The following LOC400499 variants were observed in gnomAD, a reference collection of about 807,000 sequenced individuals.
chr16:11,515,914 T>C, the LOC400499 span: 2 of 207,480 alleles, frequency 9.6e-6, no homozygotes, highest in East Asian at 9.1e-5. Flanking sequence ...CAGCCCAGCC[T>C]AGCCCAGCAC....
chr16:11,386,610 G>A, the LOC400499 span, among the ~76,000 whole-genome samples: 1 of 152,194 alleles, frequency 6.6e-6, no homozygotes, highest in South Asian at 2.1e-4. Flanking sequence ...ACCCATATGA[G>A]CGAGCCACGT....
chr16:11,405,404 A>G, the LOC400499 span, among the ~76,000 whole-genome samples: 1 of 152,344 alleles, frequency 6.6e-6, no homozygotes, highest in East Asian at 1.9e-4. Context: ...GATAGTCGAG[A>G]TAGTCACAGG....
At chr16:11,378,314 A>C in the LOC400499 span, among the ~76,000 whole-genome samples, 1 of 138,866 alleles carries the variant, frequency 7.2e-6, no homozygotes, top group Non-Finnish European at 1.5e-5. Flanking sequence ...CCCAGGCTGG[A>C]GTGCAGTGGC....
chr16:11,415,960 G>GTTTT, the LOC400499 span, among the ~76,000 whole-genome samples: 2 of 146,286 alleles, frequency 1.4e-5, no homozygotes, highest in Non-Finnish European at 3.0e-5. Context: ...TTGTTGTTTT[G>GTTTT]TTTTTTTTTT....
At chr16:11,439,019 T>A in the LOC400499 span, among the ~76,000 whole-genome samples, 1 of 152,068 alleles carries the variant, frequency 6.6e-6, no homozygotes, top group African/African-American at 2.4e-5. Flanking sequence ...CACCTCCACA[T>A]CCTTGAATTA....
At chr16:11,423,041 G>A in the LOC400499 span, 6 of 397,426 alleles carry the variant, frequency 1.5e-5, no homozygotes, top group South Asian at 1.4e-4. Flanking sequence ...GAAGGAGGGG[G>A]ACCATGTGAG....
the LOC400499 span, chr16:11,462,358 C>T: frequency 7.1e-7 from 1 of 1,413,494 alleles, no homozygotes; most frequent in Non-Finnish European, 9.2e-7. Flanking sequence ...AGGCCCAGCC[C>T]TTACCACACG....
chr16:11,418,620 A>T, the LOC400499 span, among the ~76,000 whole-genome samples: 2 of 152,194 alleles, frequency 1.3e-5, no homozygotes, highest in Non-Finnish European at 2.9e-5. Context: ...GCAGCCCTGA[A>T]TTCTTTCTTG....
the LOC400499 span, among the ~76,000 whole-genome samples, chr16:11,432,901 G>A: frequency 6.6e-6 from 1 of 152,214 alleles, no homozygotes; most frequent in Admixed American, 6.5e-5. Flanking sequence ...AGGAACTCAT[G>A]GCATGAATTT....
the LOC400499 span, among the ~76,000 whole-genome samples, chr16:11,452,415 C>A: frequency 1.3e-5 from 2 of 152,226 alleles, no homozygotes; most frequent in Admixed American, 6.5e-5. Flanking sequence ...CTAGGGGCTG[C>A]TGGAGGAAAG....
the LOC400499 span, among the ~76,000 whole-genome samples, chr16:11,476,345 A>G: frequency 6.6e-6 from 1 of 151,964 alleles, no homozygotes; most frequent in African/African-American, 2.4e-5. Context: ...CATGCCCCAG[A>G]GGGACTCCAG....
At chr16:11,515,905 AGC>A in the LOC400499 span, 1 of 141,358 alleles carries the variant, frequency 7.1e-6, no homozygotes, top group Non-Finnish European at 1.2e-5. Context: ...AGCCCAGCCC[AGC>A]CCAGCCTAGC....
chr16:11,396,755 C>A, the LOC400499 span: 21 of 1,150,122 alleles, frequency 1.8e-5, no homozygotes, highest in Non-Finnish European at 2.3e-5. Context: ...ACCGAGAATG[C>A]AGCAGCAGCT....
chr16:11,462,030 G>A, the LOC400499 span: 2 of 1,182,232 alleles, frequency 1.7e-6, no homozygotes, highest in South Asian at 3.8e-5. Flanking sequence ...AGAAGCTGCA[G>A]TGATGAGGAC....
chr16:11,391,595 C>A, the LOC400499 span: 1 of 1,198,926 alleles, frequency 8.3e-7, no homozygotes, highest in Non-Finnish European at 1.0e-6. Flanking sequence ...AATGTGAGCG[C>A]TTAGGGCCCC....
At chr16:11,450,612 G>T in the LOC400499 span, 1 of 1,535,892 alleles carries the variant, frequency 6.5e-7, no homozygotes. Context: ...TGCTCACCCG[G>T]AGGTAGGTGG....
At chr16:11,415,406 G>C in the LOC400499 span, among the ~76,000 whole-genome samples, 2 of 152,170 alleles carry the variant, frequency 1.3e-5, no homozygotes, top group Non-Finnish European at 2.9e-5. Context: ...CAGGGTGGAC[G>C]AGCTCCACAG....
chr16:11,385,271 C>G, the LOC400499 span: 9 of 1,232,294 alleles, frequency 7.3e-6, no homozygotes, highest in Middle Eastern at 3.1e-4. Context: ...GGGCTGTGAG[C>G]CCCGAGCCTG....
the LOC400499 span, chr16:11,450,624 AG>A: frequency 6.5e-7 from 1 of 1,535,990 alleles, no homozygotes; most frequent in Non-Finnish European, 8.7e-7. Flanking sequence ...GGTAGGTGGT[AG>A]CTGCGGTGTA....
Sources: allele counts gnomAD v4.1 joint callset (sites outside exome capture counted in the v4.1 genomes callset), GRCh38; gene constraint gnomAD v4.1.1; transcripts MANE v1.5.